Variants in MTHFD2L observed in about 807,000 individuals in gnomAD.
The protein encoded by MTHFD2L is bifunctional methylenetetrahydrofolate dehydrogenase/cyclohydrolase 2, mitochondrial.
Under a neutral mutation model 34.9 loss-of-function variants are expected in MTHFD2L, and 29 were observed. The observed-to-expected ratio is 0.83, with a 90% CI of 0.62 to 1.13. The LOEUF is 1.13. Ranked by LOEUF, MTHFD2L falls within the 50% of genes most tolerant of loss-of-function variation. The pLI is 0.00. For synonymous variants in MTHFD2L, 167 were observed against 155.7 expected, an observed-to-expected ratio of 1.07 and a Z score of -0.54; for missense variants, 481 against 446.5, an observed-to-expected ratio of 1.08 and a Z score of -0.70.
intron 7 of MTHFD2L, among the ~76,000 whole-genome samples, chr4:74,288,721 G>A (rs75159166): frequency 0.06 from 9,154 of 152,074 alleles, 626 homozygotes; most frequent in African/African-American, 0.16. Flanking sequence ...GACATATCTT[G>A]GCTCAGATCT....
At chr4:74,209,359 C>T (rs1735906437) in intron 5 of MTHFD2L, among the ~76,000 whole-genome samples, 2 of 152,124 alleles carry the variant, frequency 1.3e-5, no homozygotes, top group South Asian at 4.2e-4. Context: ...CACCACCCAA[C>T]AGGCCCAGGT....
intron 6 of MTHFD2L, among the ~76,000 whole-genome samples, chr4:74,271,628 G>A (rs1271166370): frequency 6.6e-6 from 1 of 152,122 alleles, no homozygotes; most frequent in Admixed American, 6.6e-5. Context: ...TGTTCTTTTG[G>A]CTTAGGATTG....
chr4:74,292,950 A>G (rs1749145249), intron 7 of MTHFD2L, among the ~76,000 whole-genome samples: 1 of 152,040 alleles, frequency 6.6e-6, no homozygotes, highest in Admixed American at 6.6e-5. Context: ...CTGACATGCT[A>G]TTTGGTTCCA....
At chr4:74,241,540 C>A in intron 6 of MTHFD2L, 1 of 440,584 alleles carries the variant, frequency 2.3e-6, no homozygotes. Flanking sequence ...CACCACCATG[C>A]GTAGCTAATT....
At chr4:74,178,539 G>A (rs1324186528) in intron 3 of MTHFD2L, among the ~76,000 whole-genome samples, 2 of 151,888 alleles carry the variant, frequency 1.3e-5, no homozygotes, top group Admixed American at 6.6e-5. Context: ...AATTGCCTGA[G>A]TCCTGTGCTA....
chr4:74,158,621 G>C (rs950584940), intron 1 of MTHFD2L, among the ~76,000 whole-genome samples: 1 of 152,156 alleles, frequency 6.6e-6, no homozygotes, highest in African/African-American at 2.4e-5. Context: ...TTTTTACTTT[G>C]GTTATTTTAG....
chr4:74,156,120 C>A (rs514451), upstream of MTHFD2L, among the ~76,000 whole-genome samples: 3 of 152,120 alleles, frequency 2.0e-5, no homozygotes, highest in East Asian at 1.9e-4. Context: ...TTCCCTCTTC[C>A]TGTTGTAAAG....
At chr4:74,202,147 G>A (rs939651918) in intron 5 of MTHFD2L, among the ~76,000 whole-genome samples, 1 of 152,176 alleles carries the variant, frequency 6.6e-6, no homozygotes, top group Non-Finnish European at 1.5e-5. Flanking sequence ...CAATCAGTCA[G>A]CAAGACTTAT....
chr4:74,156,086 A>AT (rs1298680288), upstream of MTHFD2L, among the ~76,000 whole-genome samples: 1 of 151,936 alleles, frequency 6.6e-6, no homozygotes, highest in Non-Finnish European at 1.5e-5. Flanking sequence ...TGTGAATAAT[A>AT]TTTTTTAATA....
intron 3 of MTHFD2L, among the ~76,000 whole-genome samples, chr4:74,177,634 T>A (rs920095257): frequency 2.0e-5 from 3 of 151,916 alleles, no homozygotes; most frequent in African/African-American, 7.2e-5. Flanking sequence ...AAAGGAACCC[T>A]TGCTCACTGC....
intron 1 of MTHFD2L, chr4:74,140,493 A>C (rs920972358): frequency 6.1e-6 from 5 of 821,934 alleles, no homozygotes; most frequent in South Asian, 5.6e-5. Flanking sequence ...AATTATTTTA[A>C]TTTTCTCAAT....
chr4:74,190,437 A>T (rs938593345), intron 3 of MTHFD2L: 20 of 980,700 alleles, frequency 2.0e-5, no homozygotes, highest in Admixed American at 6.2e-5. Context: ...CTGCCTGAGG[A>T]CATCCTGGGG....
At chr4:74,266,262 ACT>A (rs1369242297) in intron 6 of MTHFD2L, among the ~76,000 whole-genome samples, 11 of 152,036 alleles carry the variant, frequency 7.2e-5, no homozygotes, top group African/African-American at 2.2e-4. Context: ...ATGTTTCTAA[ACT>A]CTCATCAAAT....
intron 7 of MTHFD2L, among the ~76,000 whole-genome samples, chr4:74,290,919 C>A (rs1403550356): frequency 6.7e-6 from 1 of 149,450 alleles, no homozygotes; most frequent in African/African-American, 2.5e-5. Context: ...TGCTATACTG[C>A]GTTGCACTTT....
intron 3 of MTHFD2L, among the ~76,000 whole-genome samples, chr4:74,191,644 G>A (rs1320454329): frequency 5.3e-5 from 8 of 151,978 alleles, no homozygotes; most frequent in Admixed American, 2.0e-4. Flanking sequence ...TTCGCTTCCC[G>A]GGTTCAAGCA....
At chr4:74,224,877 A>AC (rs1292830985) in intron 5 of MTHFD2L, among the ~76,000 whole-genome samples, 3 of 152,130 alleles carry the variant, frequency 2.0e-5, no homozygotes, top group African/African-American at 7.2e-5. Flanking sequence ...CCTTCTCAAG[A>AC]CAGAATTAAT....
intron 7 of MTHFD2L, among the ~76,000 whole-genome samples, chr4:74,285,702 T>A (rs1010163303): frequency 6.6e-6 from 1 of 152,150 alleles, no homozygotes; most frequent in Non-Finnish European, 1.5e-5. Flanking sequence ...CAAATATAAT[T>A]TCTCCCATTG....
chr4:74,185,805 ATGGCATCCC>A (rs1578391723), intron 3 of MTHFD2L, among the ~76,000 whole-genome samples: 1 of 152,210 alleles, frequency 6.6e-6, no homozygotes, highest in East Asian at 1.9e-4. Flanking sequence ...CTATGTCCAG[ATGGCATCCC>A]TGGTGAATTT....
chr4:74,250,404 A>C (rs1473044949), intron 6 of MTHFD2L, among the ~76,000 whole-genome samples: 1 of 151,832 alleles, frequency 6.6e-6, no homozygotes, highest in African/African-American at 2.4e-5. Context: ...ACATTTTATT[A>C]TGTATCTATT....
Sources: gnomAD v4.1 joint callset for allele counts (sites outside exome capture counted in the v4.1 genomes callset) on GRCh38, gnomAD v4.1.1 for gene constraint, MANE v1.5 for transcripts, NCBI Gene and HGNC (gene_info 2026-07-23, HGNC 2026-07-21) for gene names.